CACNB2: variants seen among roughly 807,000 people sequenced by gnomAD.
CACNB2 encodes the protein voltage-dependent L-type calcium channel subunit beta-2.
In CACNB2, 42 loss-of-function variants were observed where a neutral mutation model predicts 73.3. The observed-to-expected ratio is 0.57, with a 90% CI of 0.45 to 0.74. The LOEUF (loss-of-function observed/expected upper bound fraction) is 0.74, where lower values mean the gene tolerates loss of function less well. Ranked by LOEUF, CACNB2 falls within the 30% of genes least tolerant of loss-of-function variation. CACNB2 has a pLI of 0.00. For synonymous variants in CACNB2, 348 were observed against 310.3 expected (o/e 1.12, Z -1.28); for missense variants, 940 against 853.0 (o/e 1.10, Z -1.27).
At chr10:18,222,548 A>G (rs1779215) in intron 2 of CACNB2, among the ~76,000 whole-genome samples, 94,507 of 152,046 alleles carry the variant, frequency 0.62, 30,450 homozygotes, top group Non-Finnish European at 0.71. Context: ...ATTAGGTTCT[A>G]TTTAAGTAGT....
chr10:18,293,294 T>C (rs1252914608), intron 2 of CACNB2, among the ~76,000 whole-genome samples: 2 of 152,230 alleles, frequency 1.3e-5, no homozygotes, highest in East Asian at 1.9e-4. Context: ...AACCAAGAGA[T>C]ATGATTCAGG....
At chr10:18,151,119 C>A (rs2031518962) in intron 2 of CACNB2, 144 bp downstream of exon 2, 2 of 642,730 alleles carry the variant, frequency 3.1e-6, no homozygotes, top group Admixed American at 2.7e-5. Flanking sequence ...TGTTTAATGT[C>A]ATAATTAAAA....
intron 2 of CACNB2, among the ~76,000 whole-genome samples, chr10:18,312,878 A>G (rs538169759): frequency 6.6e-6 from 1 of 152,254 alleles, no homozygotes; most frequent in South Asian, 2.1e-4. Flanking sequence ...TTTTAGCCAC[A>G]TTTCAAGGTC....
At chr10:18,448,495 A>AAG (rs1339067525) in intron 3 of CACNB2, among the ~76,000 whole-genome samples, 328 of 151,190 alleles carry the variant, frequency 2.2e-3, no homozygotes, top group Non-Finnish European at 3.8e-3. Flanking sequence ...AAAAAAAAAA[A>AAG]AAAAAAGAAA....
At chr10:18,524,693 T>C (rs994402425) in intron 9 of CACNB2, among the ~76,000 whole-genome samples, 2 of 148,314 alleles carry the variant, frequency 1.3e-5, no homozygotes, top group Non-Finnish European at 1.5e-5. Context: ...AATAAAAAGT[T>C]GTTTATCTCA....
intron 2 of CACNB2, among the ~76,000 whole-genome samples, chr10:18,329,243 C>T (rs868385086): frequency 1.3e-5 from 2 of 152,104 alleles, no homozygotes; most frequent in Non-Finnish European, 2.9e-5. Flanking sequence ...TTGATGTGGA[C>T]CCTCAACTGT....
intron 7 of CACNB2, among the ~76,000 whole-genome samples, chr10:18,516,993 A>T (rs960086372): frequency 6.6e-6 from 1 of 152,190 alleles, no homozygotes; most frequent in African/African-American, 2.4e-5. Context: ...AAGCTTTTGA[A>T]TTTGAAATGC....
At chr10:18,180,172 G>A (rs957983684) in intron 2 of CACNB2, among the ~76,000 whole-genome samples, 1 of 152,118 alleles carries the variant, frequency 6.6e-6, no homozygotes, top group Non-Finnish European at 1.5e-5. Context: ...GCTCTCTGGA[G>A]GGAGAGGAAT....
At chr10:18,473,650 C>A (rs1276644063) in intron 3 of CACNB2, among the ~76,000 whole-genome samples, 1 of 152,162 alleles carries the variant, frequency 6.6e-6, no homozygotes, top group African/African-American at 2.4e-5. Flanking sequence ...GTAAGGGATG[C>A]CAGAAATGCG....
chr10:18,150,853 G>GTATTTTTTTTTTTTTTT, intron 1 of CACNB2, 30 bp from the exon 2 acceptor site: 10 of 655,032 alleles, frequency 1.5e-5, no homozygotes, highest in Non-Finnish European at 2.1e-5. Flanking sequence ...AATCTTATTT[G>GTATTTTTTTTTTTTTTT]TCTTTTTTTT....
chr10:18,177,703 G>A lies in CACNB2; in HGVS notation c.213+26728G>A, dbSNP rs150518090. 1.5e-4 allele frequency among the ~76,000 whole-genome samples: 23 copies of A among 152,312 alleles called. No individual in the cohort carries two copies. The East Asian group carries it at 2.3e-3, about 15-fold the overall frequency. On this transcript the variant is annotated intron_variant, in intron 2 of 13. Transcript: ENST00000324631. ...CTTGGTAGGCTCTGATTAGCACTCAGTGAATCTACATGTTACATGTGCAAA... is the reference window on the plus strand; with the variant it reads ...CTTGGTAGGCTCTGATTAGCACTCAATGAATCTACATGTTACATGTGCAAA...
rs576032338 is a variant in CACNB2 at position 18,181,152 on chromosome 10, T to C, written c.213+30177T>C. 1.2e-4 allele frequency among the ~76,000 whole-genome samples: 18 copies of C among 151,890 alleles called. No homozygotes were observed. The South Asian group carries it at 3.5e-3, about 30-fold the overall frequency. The stretch of plus-strand genomic sequence containing the variant: ...CTTCTGTCTCTGTCCTTGGTATCCA[T>C]TGACCCAGGGTCACCTTGCCCTCTA... On this transcript the variant is annotated intron_variant, in intron 2 of 13. Coordinates refer to ENST00000324631, the MANE Select transcript of CACNB2 (RefSeq NM_201596.3).
intron 4 of CACNB2, among the ~76,000 whole-genome samples, chr10:18,500,384 C>T (rs1280319340): frequency 6.6e-6 from 1 of 152,188 alleles, no homozygotes; most frequent in Non-Finnish European, 1.5e-5. Context: ...TGTCCTGTGA[C>T]ATGAAATATT....
In CACNB2 at chr10:18,518,974, T is replaced by A; in HGVS notation, c.944+6T>A. On this transcript the variant is annotated splice_donor_region_variant and intron_variant, in intron 9 of 13. Transcript: ENST00000324631. The stretch of plus-strand genomic sequence containing the variant: ...AAACACAGATTTGAAGGGCGGTGAG[T>A]ATTTCAGCATACTGGGTTTTGTGGA... 6.2e-7 allele frequency: 1 copy of A among 1,613,066 alleles called. No homozygotes were observed. Among genetic ancestry groups the A allele is most frequent in the Non-Finnish European group, 8.5e-7 (1 of 1,179,174 alleles).
chr10:18,387,460 T>G (rs1269316669), intron 2 of CACNB2, among the ~76,000 whole-genome samples: 1 of 152,028 alleles, frequency 6.6e-6, no homozygotes, highest in Admixed American at 6.6e-5. Context: ...GGAACAGAGG[T>G]AAACAAAAAA....
intron 2 of CACNB2, among the ~76,000 whole-genome samples, chr10:18,383,474 C>T (rs991162112): frequency 6.6e-6 from 1 of 152,102 alleles, no homozygotes; most frequent in Admixed American, 6.6e-5. Context: ...AAGAGTGAGG[C>T]TTGTTATGTT....
chr10:18,428,774 A>G (rs1352079333), intron 3 of CACNB2, among the ~76,000 whole-genome samples: 4 of 152,022 alleles, frequency 2.6e-5, no homozygotes, highest in African/African-American at 7.2e-5. Flanking sequence ...TACACATTAT[A>G]GTTCTGGGCT....
chr10:18,231,557 G>C (rs2036226468), intron 2 of CACNB2, among the ~76,000 whole-genome samples: 1 of 152,158 alleles, frequency 6.6e-6, no homozygotes, highest in Admixed American at 6.5e-5. Flanking sequence ...CTCTTTTAGA[G>C]AATGTGGCTT....
At chr10:18,350,144 G>A (rs1455624351) in intron 2 of CACNB2, among the ~76,000 whole-genome samples, 2 of 152,062 alleles carry the variant, frequency 1.3e-5, no homozygotes, top group Non-Finnish European at 2.9e-5. Flanking sequence ...ACTCAGGAGG[G>A]TGAGGCAGGA....
Sources: allele counts gnomAD v4.1 joint callset (sites outside exome capture counted in the v4.1 genomes callset), GRCh38; gene constraint gnomAD v4.1.1; transcripts MANE v1.5; gene names NCBI Gene and HGNC (gene_info 2026-07-23, HGNC 2026-07-21).